The following CNTN5 variants were observed in gnomAD, a reference collection of about 807,000 sequenced individuals.
CNTN5 encodes the protein contactin 5, also known as contactin-5.
A neutral mutation model predicts 129.1 loss-of-function variants in CNTN5; 77 were observed. The observed-to-expected ratio is 0.60, with a 90% CI of 0.50 to 0.72. The LOEUF (loss-of-function observed/expected upper bound fraction) is 0.72. Among genes scored for constraint, CNTN5 ranks in the 30% least tolerant of loss-of-function variants. The pLI is 0.00. For missense variants in CNTN5, 1,478 were observed against 1,328.8 expected (o/e 1.11, Z -1.75); for synonymous variants, 509 against 465.6 (o/e 1.09, Z -1.20).
At chr11:100,228,158 G>A (rs1949416829) in intron 16 of CNTN5, among the ~76,000 whole-genome samples, 1 of 152,130 alleles carries the variant, frequency 6.6e-6, no homozygotes, top group African/African-American at 2.4e-5. Context: ...TTCTCTATTT[G>A]TATTACTCTG....
chr11:99,203,856 C>T (rs1169698894), intron 1 of CNTN5, among the ~76,000 whole-genome samples: 3 of 152,154 alleles, frequency 2.0e-5, no homozygotes, highest in East Asian at 3.9e-4. Flanking sequence ...ACTCAGCCTC[C>T]CAAAATGCTG....
chr11:99,271,320 G>T (rs763129393), intron 1 of CNTN5, among the ~76,000 whole-genome samples: 261 of 151,738 alleles, frequency 1.7e-3, no homozygotes, highest in Non-Finnish European at 2.9e-3. Context: ...ATATTTTAAT[G>T]CATATTTTAT....
At chr11:100,244,273 C>A (rs12225406) in intron 16 of CNTN5, among the ~76,000 whole-genome samples, 10,381 of 152,060 alleles carry the variant, frequency 0.068, 409 homozygotes, top group South Asian at 0.12. Flanking sequence ...CTTTTTCTAC[C>A]AACAAAATAG....
At chr11:100,285,471 C>T (rs946740152) in intron 18 of CNTN5, among the ~76,000 whole-genome samples, 4 of 152,168 alleles carry the variant, frequency 2.6e-5, no homozygotes, top group African/African-American at 4.8e-5. Context: ...CTTGCAAACC[C>T]GTGGCTGGCC....
At chr11:100,238,428 AAAG>A (rs1949666148) in intron 16 of CNTN5, among the ~76,000 whole-genome samples, 1 of 149,128 alleles carries the variant, frequency 6.7e-6, no homozygotes, top group Non-Finnish European at 1.5e-5. Context: ...AAAAAAAAAA[AAAG>A]GAGAAAGAAG....
At chr11:99,144,138 T>C (rs906810818) in intron 1 of CNTN5, among the ~76,000 whole-genome samples, 2 of 152,208 alleles carry the variant, frequency 1.3e-5, no homozygotes, top group Non-Finnish European at 2.9e-5. Flanking sequence ...ATTGGCTAAA[T>C]TACAATTTGT....
chr11:99,850,522 C>G (rs373275659), intron 6 of CNTN5, among the ~76,000 whole-genome samples: 3 of 152,114 alleles, frequency 2.0e-5, no homozygotes, highest in East Asian at 3.9e-4. Flanking sequence ...TCATTTGTCA[C>G]CCAATATATT....
chr11:100,081,935 CAAAT>C (rs1944381933), intron 13 of CNTN5, among the ~76,000 whole-genome samples: 1 of 152,022 alleles, frequency 6.6e-6, no homozygotes, highest in Admixed American at 6.6e-5. Context: ...AAAAAAGAGA[CAAAT>C]AAAACTGAAA....
intron 2 of CNTN5, among the ~76,000 whole-genome samples, chr11:99,354,590 T>C (rs371574716): frequency 4.6e-5 from 7 of 152,164 alleles, no homozygotes; most frequent in African/African-American, 1.7e-4. Flanking sequence ...CTTTTTCTCA[T>C]ACCCCGTAAT....
chr11:99,745,519 C>T (rs1321864143), intron 3 of CNTN5, among the ~76,000 whole-genome samples: 1 of 2,660 alleles, frequency 3.8e-4, no homozygotes, highest in Non-Finnish European at 0.029. Flanking sequence ...ATATGGCAGC[C>T]TTGTAAATAG....
chr11:99,170,544 C>T (rs928623631), intron 1 of CNTN5, among the ~76,000 whole-genome samples: 55 of 152,178 alleles, frequency 3.6e-4, no homozygotes, highest in African/African-American at 1.2e-3. Context: ...TTGGAATCAA[C>T]GGATTCCCAA....
intron 7 of CNTN5, among the ~76,000 whole-genome samples, chr11:99,920,268 T>G (rs1949904156): frequency 6.6e-6 from 1 of 152,144 alleles, no homozygotes; most frequent in Non-Finnish European, 1.5e-5. Flanking sequence ...TGCTGATTTG[T>G]CTCATCTCCT....
chr11:100,016,836 A>G (rs898269056), intron 9 of CNTN5, among the ~76,000 whole-genome samples: 2 of 151,720 alleles, frequency 1.3e-5, no homozygotes, highest in African/African-American at 4.8e-5. Flanking sequence ...TTAATTTACA[A>G]TGTAATGTAG....
At chr11:99,737,602 T>C (rs1212856816) in intron 3 of CNTN5, among the ~76,000 whole-genome samples, 1 of 152,178 alleles carries the variant, frequency 6.6e-6, no homozygotes, top group Non-Finnish European at 1.5e-5. Flanking sequence ...AATCCAAGCA[T>C]ATGGGTTCTA....
intron 4 of CNTN5, among the ~76,000 whole-genome samples, chr11:99,840,110 G>A (rs1022153264): frequency 6.6e-6 from 1 of 152,092 alleles, no homozygotes; most frequent in Non-Finnish European, 1.5e-5. Context: ...ACTTAAAAAT[G>A]ATGACAGTTA....
chr11:99,697,377 G>A (rs1273319296), intron 3 of CNTN5, among the ~76,000 whole-genome samples: 1 of 151,572 alleles, frequency 6.6e-6, no homozygotes, highest in Non-Finnish European at 1.5e-5. Context: ...CATCAACAGT[G>A]ATAAATCATG....
chr11:99,037,580 T>TTTC (rs1555023998), intron 1 of CNTN5, among the ~76,000 whole-genome samples: 38 of 121,668 alleles, frequency 3.1e-4, no homozygotes, highest in African/African-American at 1.1e-3. Flanking sequence ...TCTTTTCTTT[T>TTTC]TTTTTTTTTT....
chr11:99,958,111 G>A (rs879938422), intron 8 of CNTN5, among the ~76,000 whole-genome samples: 34 of 152,072 alleles, frequency 2.2e-4, no homozygotes, highest in Non-Finnish European at 4.3e-4. Flanking sequence ...AATTGCTAAA[G>A]GCCTCACAGT....
chr11:99,143,266 T>G (rs1353049823), intron 1 of CNTN5, among the ~76,000 whole-genome samples: 2 of 149,476 alleles, frequency 1.3e-5, no homozygotes, highest in African/African-American at 2.4e-5. Flanking sequence ...AGAAATGTAA[T>G]TTAAAAATAT....
Sources: gnomAD v4.1 joint callset for allele counts (sites outside exome capture counted in the v4.1 genomes callset) on GRCh38, gnomAD v4.1.1 for gene constraint, MANE v1.5 for transcripts, NCBI Gene and HGNC (gene_info 2026-07-23, HGNC 2026-07-21) for gene names.